The following SMAD4 variants were observed in gnomAD, a reference collection of about 807,000 sequenced individuals.
SMAD4 encodes SMAD family member 4, also known as MAD homolog 4.
In SMAD4, 7 loss-of-function variants were observed where a neutral mutation model predicts 63.2. That is an observed-to-expected ratio of 0.11 (90% CI 0.06 to 0.21). SMAD4 has a LOEUF of 0.21. Ranked by LOEUF, SMAD4 falls within the 10% of genes least tolerant of loss-of-function variation. The pLI is 1.00. For synonymous variants in SMAD4, 215 were observed against 235.4 expected, an observed-to-expected ratio of 0.91 and a Z score of 0.79; for missense variants, 312 against 693.8, an observed-to-expected ratio of 0.45 and a Z score of 6.18.
intron 1 of SMAD4, among the ~76,000 whole-genome samples, chr18:51,040,552 GTAAAC>G (rs1322035511): frequency 6.6e-6 from 1 of 151,944 alleles, no homozygotes; most frequent in Admixed American, 6.6e-5. Context: ...TAATTCAAAA[GTAAAC>G]TAACATCTGA....
At chr18:51,063,560 A>C (rs1169244092) in intron 8 of SMAD4, among the ~76,000 whole-genome samples, 1 of 151,960 alleles carries the variant, frequency 6.6e-6, no homozygotes, top group East Asian at 1.9e-4. Context: ...CTACAGGTGG[A>C]CACAACCACG....
Position 51,068,190 on chromosome 18 carries a change from T to C in SMAD4, c.1308+1003T>C, listed in dbSNP as rs573583773. 2.6e-5 allele frequency among the ~76,000 whole-genome samples: 4 copies of C among 152,344 alleles called. No individual in the cohort carries two copies. The South Asian group carries it at 6.2e-4, about 24-fold the overall frequency. On this transcript the variant is annotated intron_variant, in intron 10 of 11. Coordinates refer to ENST00000342988, the MANE Select transcript of SMAD4 (RefSeq NM_005359.6). Reference sequence around the variant, plus strand: ...AAACCCAGTTTCTCATTTCCAGTTATAGTTCAGTTAAAGAATGTTGGAATT... The same window carrying C: ...AAACCCAGTTTCTCATTTCCAGTTACAGTTCAGTTAAAGAATGTTGGAATT...
At chr18:51,056,095 C>T (rs1909838136) in intron 5 of SMAD4, among the ~76,000 whole-genome samples, 1 of 152,160 alleles carries the variant, frequency 6.6e-6, no homozygotes. Context: ...CACTTGAGAA[C>T]CCAGTTCCTT....
intron 1 of SMAD4, among the ~76,000 whole-genome samples, chr18:51,032,627 G>T (rs1036055331): frequency 1.3e-5 from 2 of 152,128 alleles, no homozygotes; most frequent in Admixed American, 1.3e-4. Flanking sequence ...TAAGGAGCGA[G>T]AATTAACCTA....
At chr18:51,068,537 G>T (rs1910226199) in intron 10 of SMAD4, among the ~76,000 whole-genome samples, 1 of 152,116 alleles carries the variant, frequency 6.6e-6, no homozygotes, top group Non-Finnish European at 1.5e-5. Flanking sequence ...TAGAGCATCA[G>T]TTATAGTCTG....
intron 9 of SMAD4, among the ~76,000 whole-genome samples, chr18:51,066,130 T>A (rs1910143532): frequency 6.6e-6 from 1 of 152,078 alleles, no homozygotes; most frequent in South Asian, 2.1e-4. Context: ...GTCAGGCAGA[T>A]CACTTGAGGT....
rs377563412 is a variant in SMAD4 at position 51,072,079 on chromosome 18, TTG to T, written c.1309-4553_1309-4552del. On this transcript the variant is annotated intron_variant, in intron 10 of 11. Coordinates refer to ENST00000342988, the MANE Select transcript of SMAD4 (RefSeq NM_005359.6). ...GCTATGAACATTTGTGTATAAGTAT[TTG>T]TGTGTTTTCATTTCTCTTGGGTACA... Among the ~76,000 whole-genome samples, 273 of 152,306 alleles carry T rather than the reference TTG, an allele frequency of 1.8e-3. 1 individual carries two copies. The highest frequency in any genetic ancestry group is 6.4e-3 in the African/African-American group (264 of 41,570).
chr18:51,058,107 G>A lies in SMAD4; in HGVS notation c.668-18G>A. 6.2e-7 allele frequency: 1 copy of A among 1,610,950 alleles called. No homozygotes were observed. Among genetic ancestry groups the A allele is most frequent in the Non-Finnish European group, 8.5e-7 (1 of 1,177,990 alleles). On this transcript the variant is annotated intron_variant, in intron 5 of 11. Coordinates refer to ENST00000342988, the MANE Select transcript of SMAD4 (RefSeq NM_005359.6). Reference sequence around the variant, plus strand: ...ACATCTATGAATGTACCATGTTAATGTCTTCTTGTTCCTCTAGGTCAGCCT... The same window carrying A: ...ACATCTATGAATGTACCATGTTAATATCTTCTTGTTCCTCTAGGTCAGCCT...
chr18:51,056,748 TA>T (rs1354837081), intron 5 of SMAD4, among the ~76,000 whole-genome samples: 1 of 152,154 alleles, frequency 6.6e-6, no homozygotes, highest in African/African-American at 2.4e-5. Context: ...TCGTATTGTT[TA>T]ACTTTATTTT....
At chr18:51,071,921 G>A (rs1401297365) in intron 10 of SMAD4, among the ~76,000 whole-genome samples, 2 of 152,154 alleles carry the variant, frequency 1.3e-5, no homozygotes, top group Non-Finnish European at 2.9e-5. Flanking sequence ...AATGTTTCAA[G>A]CTTCATCCAT....
At chr18:51,032,561 T>A (rs926154125) in intron 1 of SMAD4, among the ~76,000 whole-genome samples, 11 of 152,200 alleles carry the variant, frequency 7.2e-5, no homozygotes, top group Non-Finnish European at 1.5e-4. Flanking sequence ...AGTCGAGCGA[T>A]TGTGTGTGAA....
At chr18:51,031,998 A>G (rs1909066086) in intron 1 of SMAD4, among the ~76,000 whole-genome samples, 1 of 152,220 alleles carries the variant, frequency 6.6e-6, no homozygotes, top group South Asian at 2.1e-4. Context: ...TACGGTTTTT[A>G]AAATTAGTGT....
chr18:51,058,517 T>C, intron 7 of SMAD4, 61 bp downstream of exon 7: 2 of 1,101,228 alleles, frequency 1.8e-6, no homozygotes, highest in Non-Finnish European at 2.7e-6. Context: ...GGCTTTGTTT[T>C]CTGTTTTTTA....
chr18:51,061,542 T>A (rs889032696), intron 8 of SMAD4, among the ~76,000 whole-genome samples: 1 of 152,214 alleles, frequency 6.6e-6, no homozygotes, highest in African/African-American at 2.4e-5. Flanking sequence ...GCATTTTTTT[T>A]ATGGCTGAAT....
chr18:51,058,254 T>C lies in SMAD4; in HGVS notation c.787+10T>C, dbSNP rs2144427862. The C allele has an allele frequency of 6.2e-7, 1 of 1,611,178 alleles. No individual in the cohort carries two copies. The highest frequency in any genetic ancestry group is 8.5e-7 in the Non-Finnish European group (1 of 1,178,126). ...GCTACTTACCATCATAGTATGTACA[T>C]ACTTTAAAAAATCTTTTAAATAGTT... On this transcript the variant is annotated intron_variant, in intron 6 of 11. Coordinates refer to ENST00000342988, the MANE Select transcript of SMAD4 (RefSeq NM_005359.6).
Position 51,082,951 on chromosome 18 carries a change from G to C in SMAD4, c.*4484G>C, listed in dbSNP as rs903304734. 4.4e-6 allele frequency: 1 copy of C among 226,574 alleles called. No homozygotes were observed. The highest frequency in any genetic ancestry group is 2.2e-5 in the African/African-American group (1 of 44,972). The allele number at this position is 226,574 out of a possible 1,614,324, so 14.0% of individuals were successfully genotyped here. On this transcript the variant is annotated 3_prime_UTR_variant, in exon 12 of 12. Coordinates refer to ENST00000342988, the MANE Select transcript of SMAD4 (RefSeq NM_005359.6). ...GGGACAGGACCCAAGACACTTTCCT[G>C]TGAAGTGCTGAAAAAGACCTCATTG...
At chr18:51,045,523 T>C (rs1172536250) in intron 1 of SMAD4, among the ~76,000 whole-genome samples, 2 of 152,202 alleles carry the variant, frequency 1.3e-5, no homozygotes, top group African/African-American at 4.8e-5. Context: ...ATGGATTCTT[T>C]ATTAATCTTC....
intron 10 of SMAD4, among the ~76,000 whole-genome samples, chr18:51,073,347 A>C (rs1424795480): frequency 1.5e-5 from 2 of 130,378 alleles, no homozygotes; most frequent in African/African-American, 2.9e-5. Flanking sequence ...TTTATTCCCT[A>C]CTCCCAGATA....
At chr18:51,047,862 G>A (rs11663303) in intron 2 of SMAD4, among the ~76,000 whole-genome samples, 2,261 of 152,314 alleles carry the variant, frequency 0.015, 21 homozygotes, top group Non-Finnish European at 0.025. Flanking sequence ...ACCCGCCTCA[G>A]CCTTCCAGAA....
Sources: gnomAD v4.1 joint callset for allele counts (sites outside exome capture counted in the v4.1 genomes callset) on GRCh38, gnomAD v4.1.1 for gene constraint, MANE v1.5 for transcripts, NCBI Gene and HGNC (gene_info 2026-07-23, HGNC 2026-07-21) for gene names.